The following ARID2 variants were observed in gnomAD, a reference collection of about 807,000 sequenced individuals.
ARID2 encodes the protein AT-rich interaction domain 2.
A neutral mutation model predicts 184.6 loss-of-function variants in ARID2; 32 were observed. The ratio of observed to expected loss-of-function variants is 0.17; its 90% CI spans 0.13 to 0.23. The LOEUF (loss-of-function observed/expected upper bound fraction) is 0.23, where lower values mean the gene tolerates loss of function less well. Among genes scored for constraint, ARID2 ranks in the 10% least tolerant of loss-of-function variants. The probability of loss-of-function intolerance (pLI) is 1.00; values close to 1 mark genes in which losing one functional copy is unlikely to be tolerated. For synonymous variants in ARID2, 836 were observed against 772.6 expected (o/e 1.08, Z -1.36); for missense variants, 1,696 against 2,197.6 (o/e 0.77, Z 4.56).
intron 3 of ARID2, among the ~76,000 whole-genome samples, chr12:45,765,435 TC>T (rs1941754254): frequency 2.6e-5 from 4 of 152,122 alleles, no homozygotes. Context: ...GGTCTTGAAT[TC>T]CTGGGCTCAA....
chr12:45,826,524 C>T (rs978262557), intron 6 of ARID2, among the ~76,000 whole-genome samples: 2 of 152,068 alleles, frequency 1.3e-5, no homozygotes, highest in African/African-American at 4.8e-5. Flanking sequence ...AAGGGATCCT[C>T]CTGCCTCAGG....
intron 3 of ARID2, among the ~76,000 whole-genome samples, chr12:45,766,177 T>C (rs1206397733): frequency 6.6e-6 from 1 of 152,068 alleles, no homozygotes; most frequent in Non-Finnish European, 1.5e-5. Flanking sequence ...TTTAACTTTT[T>C]TTTTTTTTGA....
chr12:45,764,385 A>G (rs937644462), intron 3 of ARID2, among the ~76,000 whole-genome samples: 6 of 152,158 alleles, frequency 3.9e-5, no homozygotes, highest in African/African-American at 1.4e-4. Context: ...TATAATTTAC[A>G]CACAGTAAAA....
chr12:45,752,820 A>G (rs956849106), intron 3 of ARID2, among the ~76,000 whole-genome samples: 1 of 152,246 alleles, frequency 6.6e-6, no homozygotes, highest in Non-Finnish European at 1.5e-5. Flanking sequence ...TTAAGCAAAC[A>G]TAACAGAAAT....
chr12:45,871,707 T>G (rs1483647519), intron 16 of ARID2, among the ~76,000 whole-genome samples: 1 of 152,188 alleles, frequency 6.6e-6, no homozygotes, highest in Admixed American at 6.5e-5. Context: ...CCTTTAATTA[T>G]TTGTTGTGAA....
chr12:45,838,120 G>A (rs1565615957), intron 10 of ARID2, among the ~76,000 whole-genome samples: 1 of 152,142 alleles, frequency 6.6e-6, no homozygotes, highest in South Asian at 2.1e-4. Flanking sequence ...TTATCTGAGA[G>A]CAGGTCTTTC....
intron 6 of ARID2, 33 bp downstream of exon 6, chr12:45,821,520 G>A (rs1010691686): frequency 7.3e-7 from 1 of 1,376,586 alleles, no homozygotes; most frequent in African/African-American, 1.5e-5. Flanking sequence ...TTGATTCATT[G>A]AGTTACATGC....
At chr12:45,866,047 A>G (rs1424378826) in intron 16 of ARID2, among the ~76,000 whole-genome samples, 1 of 152,066 alleles carries the variant, frequency 6.6e-6, no homozygotes, top group Non-Finnish European at 1.5e-5. Context: ...ATACAGCTAT[A>G]CTATATTGTA....
chr12:45,753,330 G>A (rs1453311902), intron 3 of ARID2, among the ~76,000 whole-genome samples: 4 of 151,864 alleles, frequency 2.6e-5, no homozygotes, highest in Admixed American at 1.3e-4. Context: ...CCCTCATGAT[G>A]GTCTGTAGCG....
chr12:45,869,427 A>G (rs992692485), intron 16 of ARID2, among the ~76,000 whole-genome samples: 11 of 151,512 alleles, frequency 7.3e-5, no homozygotes, highest in African/African-American at 2.2e-4. Context: ...TTTTTTTCCA[A>G]TAGAGCTTCT....
intron 20 of ARID2, among the ~76,000 whole-genome samples, chr12:45,903,079 A>G (rs1944479140): frequency 1.3e-5 from 2 of 152,174 alleles, no homozygotes; most frequent in African/African-American, 2.4e-5. Context: ...ATAAGGGACC[A>G]CTATCCTGAT....
chr12:45,752,639 ACTCT>A (rs1331539535), intron 3 of ARID2, among the ~76,000 whole-genome samples: 4 of 151,928 alleles, frequency 2.6e-5, no homozygotes. Context: ...CTTCTGCCTC[ACTCT>A]CCTGAGTAGC....
intron 3 of ARID2, among the ~76,000 whole-genome samples, chr12:45,779,526 G>A (rs1158117113): frequency 6.6e-6 from 1 of 152,052 alleles, no homozygotes; most frequent in African/African-American, 2.4e-5. Flanking sequence ...TTAAAATGTA[G>A]TTTAGTAGAA....
At chr12:45,842,317 A>G (rs568493843) in intron 11 of ARID2, 3 of 144,376 alleles carry the variant, frequency 2.1e-5, no homozygotes, top group Non-Finnish European at 3.2e-5. Flanking sequence ...ACACACATGT[A>G]TATGTATATA....
At chr12:45,745,551 A>G (rs1029128890) in intron 3 of ARID2, among the ~76,000 whole-genome samples, 1 of 152,078 alleles carries the variant, frequency 6.6e-6, no homozygotes, top group African/African-American at 2.4e-5. Flanking sequence ...GCCTTTATTT[A>G]TTATTATTAT....
chr12:45,771,312 C>T (rs1202294711), intron 3 of ARID2, among the ~76,000 whole-genome samples: 1 of 147,548 alleles, frequency 6.8e-6, no homozygotes, highest in Non-Finnish European at 1.5e-5. Flanking sequence ...CAGCTGAGAT[C>T]GTGCCACTGC....
intron 3 of ARID2, among the ~76,000 whole-genome samples, chr12:45,789,881 C>T (rs1011723182): frequency 1.3e-5 from 2 of 152,046 alleles, no homozygotes; most frequent in Non-Finnish European, 2.9e-5. Flanking sequence ...CTTTTGGATG[C>T]CGAGATGGGA....
intron 11 of ARID2, among the ~76,000 whole-genome samples, chr12:45,845,227 A>G (rs1413440583): frequency 2.0e-5 from 3 of 152,180 alleles, no homozygotes; most frequent in African/African-American, 4.8e-5. Context: ...TAAGTAGGGT[A>G]TGCTCTTTCA....
rs1186832624 is a variant in ARID2, at chr12:45,850,510, T to C, written c.2387T>C (p.Val796Ala). The change falls in exon 15 of 21, where the codon GTC (valine) becomes GCC (alanine). Residue 796 changes from valine to alanine, a missense_variant. Physicochemically the swap from Val to Ala is moderately conservative, Grantham distance 64 (BLOSUM62 0). This residue lies in a region of ARID2 where 713 missense variants were observed against 824.4 expected (regional missense o/e 0.86). Coordinates refer to ENST00000334344, the MANE Select transcript of ARID2 (RefSeq NM_152641.4). ...CCTGTTACAGTAATTCAACAAGCTG[T>C]CCCACAGAGTCATATGTTTGGCAGA... ...GTPVTVIQQA[V>A]PQSHMFGRVQ... is the part of the protein sequence containing the mutation. The C allele has an allele frequency of 1.9e-6, 3 of 1,614,030 alleles. No individual in the cohort carries two copies. In the South Asian group the frequency reaches 3.3e-5, roughly 18 times the overall value.
Sources: allele counts gnomAD v4.1 joint callset (sites outside exome capture counted in the v4.1 genomes callset), GRCh38; gene constraint gnomAD v4.1.1; regional missense constraint gnomAD v4.1.1; transcripts MANE v1.5; gene names NCBI Gene and HGNC (gene_info 2026-07-23, HGNC 2026-07-21).